Variants in NCKAP5 observed in about 807,000 individuals in gnomAD.
NCKAP5 encodes the protein NCK associated protein 5.
In NCKAP5, 92 loss-of-function variants were observed where a neutral mutation model predicts 167.0. That is an observed-to-expected ratio of 0.55 (90% CI 0.47 to 0.66). The LOEUF (loss-of-function observed/expected upper bound fraction) is 0.66. Ranked by LOEUF, NCKAP5 falls within the 30% of genes least tolerant of loss-of-function variation. NCKAP5 has a pLI of 0.00. For missense variants in NCKAP5, 2,378 were observed against 2,315.0 expected (o/e 1.03, Z -0.56); for synonymous variants, 891 against 877.4 (o/e 1.02, Z -0.27).
chr2:132,814,579 T>C (rs966385812), intron 11 of NCKAP5, among the ~76,000 whole-genome samples: 2 of 152,172 alleles, frequency 1.3e-5, no homozygotes, highest in East Asian at 3.8e-4. Context: ...ATATATTCTA[T>C]ATTTAAACTT....
At chr2:133,004,923 C>T (rs1223143728) in intron 6 of NCKAP5, among the ~76,000 whole-genome samples, 1 of 152,176 alleles carries the variant, frequency 6.6e-6, no homozygotes, top group Non-Finnish European at 1.5e-5. Flanking sequence ...AATAATTTAG[C>T]AATATTTCTC....
chr2:132,692,587 T>C (rs569154969), intron 19 of NCKAP5, among the ~76,000 whole-genome samples: 153 of 152,266 alleles, frequency 1.0e-3, no homozygotes, highest in African/African-American at 3.6e-3. Flanking sequence ...TTAAATAGTA[T>C]GAACTCTATA....
chr2:133,578,451 A>T, the NCKAP5 span, among the ~76,000 whole-genome samples: 7 of 152,340 alleles, frequency 4.6e-5, no homozygotes, highest in South Asian at 1.4e-3. Context: ...GTCGGGGAGC[A>T]GGAAGCCTCC....
intron 3 of NCKAP5, among the ~76,000 whole-genome samples, chr2:133,399,079 C>A (rs1687934079): frequency 6.6e-6 from 1 of 152,202 alleles, no homozygotes; most frequent in Non-Finnish European, 1.5e-5. Flanking sequence ...ACCGAGGCCG[C>A]TGCTCGGCAG....
intron 2 of NCKAP5, among the ~76,000 whole-genome samples, chr2:133,534,131 G>A (rs1250931470): frequency 6.6e-6 from 1 of 152,098 alleles, no homozygotes; most frequent in Non-Finnish European, 1.5e-5. Flanking sequence ...AATATAAGGT[G>A]TGTATTTTTG....
rs531407541 is a variant in NCKAP5 at position 133,167,849 on chromosome 2, C to A, written c.208-37738G>T. Among the ~76,000 whole-genome samples, 4 of 152,184 alleles carry A rather than the reference C, an allele frequency of 2.6e-5. No individual in the cohort carries two copies. In the East Asian group the frequency reaches 7.7e-4, roughly 29 times the overall value. ...ACTTCCATGGGAAGAAAGTGTCTTC[C>A]CACTACAGATTCCTGCTCCCCACCT... On this transcript the variant is annotated intron_variant, in intron 5 of 19. Transcript: ENST00000409261.
At chr2:132,688,857 G>A (rs1462872575) in intron 19 of NCKAP5, among the ~76,000 whole-genome samples, 2 of 151,712 alleles carry the variant, frequency 1.3e-5, no homozygotes, top group Non-Finnish European at 2.9e-5. Flanking sequence ...GTGGTGGCAG[G>A]CACCTGTGGT....
At chr2:133,239,442 G>C (rs2087576600) in intron 4 of NCKAP5, among the ~76,000 whole-genome samples, 1 of 152,082 alleles carries the variant, frequency 6.6e-6, no homozygotes, top group African/African-American at 2.4e-5. Flanking sequence ...CCACAACATG[G>C]AATTCTAGCA....
At chr2:133,129,084 T>C (rs1352615316) in intron 6 of NCKAP5, among the ~76,000 whole-genome samples, 1 of 141,782 alleles carries the variant, frequency 7.1e-6, no homozygotes, top group African/African-American at 2.8e-5. Flanking sequence ...CTCATCCTTT[T>C]GGCTGGCCTT....
intron 7 of NCKAP5, among the ~76,000 whole-genome samples, chr2:132,990,028 A>G (rs2077405872): frequency 6.6e-6 from 1 of 152,192 alleles, no homozygotes; most frequent in Non-Finnish European, 1.5e-5. Flanking sequence ...CACCAAGCAT[A>G]TGTGCCCTGA....
At chr2:133,008,411 T>C (rs997680831) in intron 6 of NCKAP5, among the ~76,000 whole-genome samples, 2 of 152,154 alleles carry the variant, frequency 1.3e-5, no homozygotes, top group African/African-American at 4.8e-5. Context: ...AAATACACTA[T>C]CAAGCCTTCA....
chr2:132,725,895 C>T lies in NCKAP5; in HGVS notation c.5581-136G>A, dbSNP rs941465336. ...ATTCCATTCCCACTGCCCAGCCCGC[C>T]GCTCACCCGAGAGCAACTCTGGTTT... On this transcript the variant is annotated intron_variant, in intron 18 of 19. Coordinates refer to ENST00000409261, the MANE Select transcript of NCKAP5 (RefSeq NM_207363.3). 1.7e-5 allele frequency: 16 copies of T among 927,084 alleles called. No homozygotes were observed. In the Admixed American group the frequency reaches 2.2e-4, roughly 13 times the overall value. 57.4% of individuals were successfully genotyped at this position (927,084 alleles called of 1,614,324 possible). A position where few individuals can be genotyped will look rare whatever the true frequency, so the allele number is the denominator to read the frequency against.
chr2:132,809,041 A>G (rs1017150660), intron 11 of NCKAP5, among the ~76,000 whole-genome samples: 1 of 152,108 alleles, frequency 6.6e-6, no homozygotes, highest in Admixed American at 6.5e-5. Context: ...CTCATTCAGG[A>G]GCAGGCTATA....
intron 2 of NCKAP5, among the ~76,000 whole-genome samples, chr2:133,521,791 A>G (rs754426961): frequency 6.6e-6 from 1 of 152,204 alleles, no homozygotes; most frequent in Non-Finnish European, 1.5e-5. Context: ...TAGGGGTTCA[A>G]CATATGAAAT....
intron 11 of NCKAP5, among the ~76,000 whole-genome samples, chr2:132,854,959 A>T (rs1689349558): frequency 6.6e-6 from 1 of 152,188 alleles, no homozygotes; most frequent in South Asian, 2.1e-4. Context: ...GTGTCAGGAA[A>T]AAAAGAAAAA....
At chr2:133,471,376 TAACAGG>T (rs77006769) in intron 3 of NCKAP5, among the ~76,000 whole-genome samples, 39,099 of 151,892 alleles carry the variant, frequency 0.26, 5,478 homozygotes, top group African/African-American at 0.37. Context: ...AACTTGTCTT[TAACAGG>T]TGGAGAGAGA....
intron 6 of NCKAP5, among the ~76,000 whole-genome samples, chr2:133,121,471 G>A (rs2082248679): frequency 6.6e-6 from 1 of 152,172 alleles, no homozygotes; most frequent in Non-Finnish European, 1.5e-5. Flanking sequence ...GTGGCCGGCA[G>A]AGTCTCCTTT....
chr2:133,667,763 A>G, the NCKAP5 span, among the ~76,000 whole-genome samples: 2 of 152,128 alleles, frequency 1.3e-5, 1 homozygote, highest in South Asian at 4.2e-4. Context: ...CTTCAATAGC[A>G]TTTTTAATCA....
intron 10 of NCKAP5, among the ~76,000 whole-genome samples, chr2:132,861,082 G>C (rs1689870400): frequency 6.6e-6 from 1 of 151,682 alleles, no homozygotes; most frequent in Non-Finnish European, 1.5e-5. Flanking sequence ...TCGGTGATGG[G>C]GCTAATAGAG....
Sources: gnomAD v4.1 joint callset for allele counts (sites outside exome capture counted in the v4.1 genomes callset) on GRCh38, gnomAD v4.1.1 for gene constraint, MANE v1.5 for transcripts, NCBI Gene and HGNC (gene_info 2026-07-23, HGNC 2026-07-21) for gene names.